DYNC1LI1: variants seen among roughly 807,000 people sequenced by gnomAD.
DYNC1LI1 encodes the protein dynein cytoplasmic 1 light intermediate chain 1.
Under a neutral mutation model 63.8 loss-of-function variants are expected in DYNC1LI1, and 19 were observed. The observed-to-expected ratio is 0.30, with a 90% CI of 0.21 to 0.44. The LOEUF (loss-of-function observed/expected upper bound fraction) is 0.44. Among genes scored for constraint, DYNC1LI1 ranks in the 20% least tolerant of loss-of-function variants. The probability of loss-of-function intolerance (pLI) is 1.00; values close to 1 mark genes in which losing one functional copy is unlikely to be tolerated. For synonymous variants in DYNC1LI1, 225 were observed against 232.3 expected (o/e 0.97, Z 0.28); for missense variants, 565 against 630.2 (o/e 0.90, Z 1.11).
At position 32,533,057 on chromosome 3, in the gene DYNC1LI1, G is replaced by T. The variant is rs1295391507; in HGVS notation, c.1009C>A (p.His337Asn). The T allele has an allele frequency of 6.2e-6, 10 of 1,603,586 alleles. No individual in the cohort carries two copies. In the East Asian group the frequency reaches 2.3e-4, roughly 36 times the overall value. ...WDNDKKIGIL[H>N]ENFQTLKAED... The stretch of plus-strand genomic sequence containing the variant: ...GCTTTTAATGTTTGAAAATTTTCAT[G>T]TAATATTCCTATTTTCTTATCATTA... The change falls in exon 8 of 13, where the codon CAT (histidine) becomes AAT (asparagine). Residue 337 changes from histidine to asparagine, a missense_variant. Coordinates refer to ENST00000273130, the MANE Select transcript of DYNC1LI1 (RefSeq NM_016141.4).
At position 32,528,506 on chromosome 3, in the gene DYNC1LI1, T is replaced by C. The variant is rs540588916; in HGVS notation, c.1402A>G (p.Ser468Gly). The change falls in exon 12 of 13, where the codon AGC (serine) becomes GGC (glycine). Residue 468 changes from serine to glycine, a missense_variant. By Grantham distance (56) the Ser-to-Gly change is moderately conservative. Coordinates refer to ENST00000273130, the MANE Select transcript of DYNC1LI1 (RefSeq NM_016141.4). Reference sequence around the variant, plus strand: ...CCACCTCCAGCCCCACCTGCAGGGCTACCACCACTCACACCAGGGCCTCCT... The same window carrying C: ...CCACCTCCAGCCCCACCTGCAGGGCCACCACCACTCACACCAGGGCCTCCT... ...SPGGPGVSGGSPAGGAGGGSS... is the reference protein window; with the variant it reads ...SPGGPGVSGGGPAGGAGGGSS... 3.1e-6 allele frequency: 5 copies of C among 1,614,214 alleles called. No individual in the cohort carries two copies. In the South Asian group the frequency reaches 5.5e-5, roughly 18 times the overall value.
chr3:32,530,208 GTACA>G, intron 10 of DYNC1LI1, 72 bp downstream of exon 10: 1 of 1,201,788 alleles, frequency 8.3e-7, no homozygotes. Flanking sequence ...TATGAAATAT[GTACA>G]TAATTAATAA....
In DYNC1LI1 at chr3:32,533,009, T is replaced by C. The variant is rs535519379; in HGVS notation, c.1057A>G (p.Ile353Val). ...ACCTTTCGAACAGGTGGTTTAGTTA[T>C]GATGTCTTCAAAATTATCTTCTGCT... ...LKAEDNFEDI[I>V]TKPPVRKFVH... is the part of the protein sequence containing the mutation. Residue 353 changes from isoleucine (I) to valine (V), a missense_variant, in exon 8 of 13, where the codon ATA (isoleucine) becomes GTA (valine). Transcript: ENST00000273130. The C allele has an allele frequency of 5.6e-6, 9 of 1,594,208 alleles. No individual in the cohort carries two copies. Among genetic ancestry groups the C allele is most frequent in the African/African-American group, 2.7e-5 (2 of 73,644 alleles).
chr3:32,533,045 G>A lies in DYNC1LI1; in HGVS notation c.1021C>T (p.Gln341Ter). 6.2e-7 allele frequency: 1 copy of A among 1,603,728 alleles called. No individual in the cohort carries two copies. The highest frequency in any genetic ancestry group is 8.5e-7 in the Non-Finnish European group (1 of 1,177,640). ...AAATTATCTTCTGCTTTTAATGTTTGAAAATTTTCATGTAATATTCCTATT... is the reference window on the plus strand; with the variant it reads ...AAATTATCTTCTGCTTTTAATGTTTAAAAATTTTCATGTAATATTCCTATT... ...KKIGILHENFQTLKAEDNFED... is the reference protein window; with the variant it reads ...KKIGILHENF The change falls in exon 8 of 13, where the codon CAA (glutamine) becomes TAA (stop). Residue 341 changes from glutamine to a stop codon, truncating the protein, a stop_gained. Coordinates refer to ENST00000273130, the MANE Select transcript of DYNC1LI1 (RefSeq NM_016141.4). LOFTEE classifies it high-confidence loss of function.
chr3:32,558,897 T>C (rs1575158938), intron 2 of DYNC1LI1, among the ~76,000 whole-genome samples: 1 of 152,084 alleles, frequency 6.6e-6, no homozygotes, highest in Non-Finnish European at 1.5e-5. Context: ...CTGTGAAGAC[T>C]TAGAAATGTG....
chr3:32,541,195 A>G lies in DYNC1LI1; in HGVS notation c.580T>C (p.Phe194Leu), dbSNP rs751908016. The change falls in exon 5 of 13, where the codon TTC becomes CTC. Residue 194 changes from phenylalanine (F) to leucine (L), a missense_variant. Phe to Leu is a conservative substitution (Grantham distance 22, BLOSUM62 0). Coordinates refer to ENST00000273130, the MANE Select transcript of DYNC1LI1 (RefSeq NM_016141.4). ...TCTCCTGGCTCTACATATTCTTGGA[A>G]GTCTCTAATCACTGAAAATCAAAGT... ...KQMEQKLIRD[F>L]QEYVEPGEDF... The G allele has an allele frequency of 6.2e-7, 1 of 1,601,376 alleles. No individual in the cohort carries two copies. The highest frequency in any genetic ancestry group is 1.1e-5 in the South Asian group (1 of 89,072).
In DYNC1LI1 at chr3:32,525,990, G is replaced by A. The variant is rs1697610124; in HGVS notation, c.*809C>T. 6.6e-6 allele frequency: 1 copy of A among 152,366 alleles called. No individual in the cohort carries two copies. Among genetic ancestry groups the A allele is most frequent in the Admixed American group, 6.6e-5 (1 of 15,244 alleles). The allele number at this position is 152,366 out of a possible 1,614,324, so 9.4% of individuals were successfully genotyped here. On this transcript the variant is annotated 3_prime_UTR_variant, in exon 13 of 13. Transcript: ENST00000273130. ...AACAAGTTATTTGAACCTGAATGCA[G>A]AGAATAAATACTTTATTAACTGATT...
At position 32,561,028 on chromosome 3, in the gene DYNC1LI1, A is replaced by AC. The variant is rs1559444460; in HGVS notation, c.220+9317_220+9318insG. Among the ~76,000 whole-genome samples the AC allele has an allele frequency of 2.2e-3, 298 of 138,232 alleles. 11 individuals are homozygous for AC. The highest frequency in any genetic ancestry group is 8.9e-3 in the African/African-American group (277 of 31,192). 90.7% of individuals were successfully genotyped at this position (138,232 alleles called of 152,430 possible). On this transcript the variant is annotated intron_variant, in intron 2 of 12. Transcript: ENST00000273130. ...AAAAAAAAAAAAAAAAAAAAAAAAA[A>AC]AAAAACAAACAAAAAAAACACACAC...
intron 2 of DYNC1LI1, among the ~76,000 whole-genome samples, chr3:32,552,289 T>C (rs1698053528): frequency 6.6e-6 from 1 of 152,210 alleles, no homozygotes; most frequent in Non-Finnish European, 1.5e-5. Context: ...CATTCATTCA[T>C]TCATTTTAAA....
rs3836420 is a variant in DYNC1LI1 at position 32,526,653 on chromosome 3, CCACACA to C, written c.*140_*145del. ...ACGGCTCCTTCTAAAAAATGGGTAA[CCACACA>C]CACACACACACACACACACGACATA... On this transcript the variant is annotated 3_prime_UTR_variant, in exon 13 of 13. Transcript: ENST00000273130. 192 of 499,146 alleles carry C rather than the reference CCACACA, an allele frequency of 3.8e-4. 1 individual carries two copies. Among genetic ancestry groups the C allele is most frequent in the African/African-American group, 2.8e-3 (145 of 51,098 alleles). The allele number at this position is 499,146 out of a possible 1,614,324, so 30.9% of individuals were successfully genotyped here.
chr3:32,546,070 A>G (rs1575154253), intron 2 of DYNC1LI1, 105 bp from the exon 3 acceptor site: 1 of 714,046 alleles, frequency 1.4e-6, no homozygotes, highest in Non-Finnish European at 2.3e-6. Flanking sequence ...GCTTCAACCA[A>G]AAAGGCAATT....
intron 5 of DYNC1LI1, among the ~76,000 whole-genome samples, chr3:32,539,925 C>T (rs913409393): frequency 1.3e-5 from 2 of 151,374 alleles, no homozygotes; most frequent in Non-Finnish European, 1.5e-5. Flanking sequence ...GGTGCAGTGG[C>T]GCAATCTCGG....
chr3:32,538,516 C>A (rs1697832148), intron 5 of DYNC1LI1, among the ~76,000 whole-genome samples: 2 of 151,790 alleles, frequency 1.3e-5, no homozygotes, highest in Non-Finnish European at 2.9e-5. Flanking sequence ...CTGGCTAACA[C>A]GGTGAAACCC....
At chr3:32,533,801 A>C (rs1575148859) in intron 7 of DYNC1LI1, among the ~76,000 whole-genome samples, 4 of 151,194 alleles carry the variant, frequency 2.6e-5, no homozygotes, top group South Asian at 4.2e-4. Context: ...GGCTCAAATA[A>C]TCCTTCCACC....
Position 32,532,481 on chromosome 3 carries a change from A to ATGTGTATG in DYNC1LI1, c.1080+504_1080+505insCATACACA, listed in dbSNP as rs1553617327. On this transcript the variant is annotated intron_variant, in intron 8 of 12. Transcript: ENST00000273130. The stretch of plus-strand genomic sequence containing the variant: ...ACTCCATCTCAAAAAAAAAAAAAAA[A>ATGTGTATG]TGTGTGTATATATATATATATATAT... The ATGTGTATG allele has an allele frequency of 1.9e-3, 226 of 120,374 alleles. 2 individuals are homozygous for ATGTGTATG. The highest frequency in any genetic ancestry group is 6.2e-3 in the African/African-American group (205 of 33,310). 7.5% of individuals were successfully genotyped at this position (120,374 alleles called of 1,614,324 possible).
intron 2 of DYNC1LI1, among the ~76,000 whole-genome samples, chr3:32,556,648 A>C (rs1046940059): frequency 8.5e-5 from 13 of 152,266 alleles, no homozygotes; most frequent in African/African-American, 3.1e-4. Context: ...GGGCTCAAGC[A>C]ATCCCTCCAC....
chr3:32,546,510 C>T (rs150511231), intron 2 of DYNC1LI1, among the ~76,000 whole-genome samples: 103 of 152,276 alleles, frequency 6.8e-4, no homozygotes, highest in African/African-American at 2.4e-3. Flanking sequence ...ACTTCCTCTA[C>T]GGATAATTTT....
intron 2 of DYNC1LI1, among the ~76,000 whole-genome samples, chr3:32,546,215 C>T (rs1284262572): frequency 6.6e-6 from 1 of 152,108 alleles, no homozygotes; most frequent in East Asian, 1.9e-4. Context: ...TGAGACCAGC[C>T]TGGCCAACAT....
Position 32,568,594 on chromosome 3 carries a change from C to T in DYNC1LI1, c.220+1752G>A, listed in dbSNP as rs377150714. On this transcript the variant is annotated intron_variant, in intron 2 of 12. Transcript: ENST00000273130. ...AAGAACACTCAGTCCCATGCACAGA[C>T]CCAGTGTCAAAGGGGTGTTAAAAAA... Among the ~76,000 whole-genome samples the T allele has an allele frequency of 6.6e-5, 10 of 151,948 alleles. No individual in the cohort carries two copies. In the South Asian group the frequency reaches 1.9e-3, roughly 28 times the overall value.
Sources: gnomAD v4.1 joint callset for allele counts (sites outside exome capture counted in the v4.1 genomes callset) on GRCh38, gnomAD v4.1.1 for gene constraint, MANE v1.5 for transcripts, NCBI Gene and HGNC (gene_info 2026-07-23, HGNC 2026-07-21) for gene names.